SPTBN2: variants seen among roughly 807,000 people sequenced by gnomAD.
SPTBN2 encodes spectrin beta, non-erythrocytic 2.
A neutral mutation model predicts 284.2 loss-of-function variants in SPTBN2; 107 were observed. That is an observed-to-expected ratio of 0.38 (90% CI 0.32 to 0.44). The LOEUF (loss-of-function observed/expected upper bound fraction) is 0.44. Ranked by LOEUF, SPTBN2 falls within the 20% of genes least tolerant of loss-of-function variation. The probability of loss-of-function intolerance (pLI) is 1.00; values close to 1 mark genes in which losing one functional copy is unlikely to be tolerated. For synonymous variants in SPTBN2, 1,289 were observed against 1,354.8 expected (o/e 0.95, Z 1.07); for missense variants, 2,569 against 3,287.1 (o/e 0.78, Z 5.34).
rs1387296882 is a variant in SPTBN2 at position 66,710,478 on chromosome 11, G to C, written c.1073+104C>G. 6 of 1,162,002 alleles carry C rather than the reference G, an allele frequency of 5.2e-6. No homozygotes were observed. Among genetic ancestry groups the C allele is most frequent in the South Asian group, 1.3e-5 (1 of 74,564 alleles). 72.0% of individuals were successfully genotyped at this position (1,162,002 alleles called of 1,614,324 possible). A position where few individuals can be genotyped will look rare whatever the true frequency, so the allele number is the denominator to read the frequency against. On this transcript the variant is annotated intron_variant, in intron 10 of 37. Transcript: ENST00000533211. The surrounding 1 kb of genome is among the most constrained non-coding windows in gnomAD (Gnocchi z 4.9). ...GCTTCTGGTGTGGGAAATCTCCACT[G>C]CATTTATGTACTGCCAAATTTCCCT...
At chr11:66,702,991 A>G in intron 15 of SPTBN2, among the ~76,000 whole-genome samples, 1 of 151,620 alleles carries the variant, frequency 6.6e-6, no homozygotes, top group Non-Finnish European at 1.5e-5. Context: ...AGAAACAGGC[A>G]GCAGGCTGGA....
intron 15 of SPTBN2, among the ~76,000 whole-genome samples, chr11:66,703,972 CTTTTTTTT>C (rs11286358): frequency 9.1e-6 from 1 of 109,726 alleles, no homozygotes; most frequent in Non-Finnish European, 1.9e-5. Flanking sequence ...TATTTCTTTT[CTTTTTTTT>C]TTTTTTTTTT....
Position 66,708,831 on chromosome 11 carries a change from T to A in SPTBN2, c.1191+71A>T. On this transcript the variant is annotated intron_variant, in intron 11 of 37. Transcript: ENST00000533211. This position sits in a 1 kb window ranked among gnomAD's most constrained non-coding sequence, Gnocchi z 4.4. ...GGTGAAGGTCGACATGGCCCCGGGT[T>A]TGGGGATGTGTGCAAGGCATCTGGG... The A allele has an allele frequency of 7.9e-7, 1 of 1,261,038 alleles. No homozygotes were observed. The highest frequency in any genetic ancestry group is 1.2e-6 in the Non-Finnish European group (1 of 865,430). 78.1% of individuals were successfully genotyped at this position (1,261,038 alleles called of 1,614,324 possible). A position where few individuals can be genotyped will look rare whatever the true frequency, so the allele number is the denominator to read the frequency against.
In SPTBN2 at chr11:66,683,637, C is replaced by G. The variant is rs1939927015; in HGVS notation, c.*2234G>C. Among the ~76,000 whole-genome samples the G allele has an allele frequency of 6.6e-6, 1 of 152,264 alleles. No individual in the cohort carries two copies. The stretch of plus-strand genomic sequence containing the variant: ...GCAGATGCTGCTCGGGGTCTTCAGT[C>G]TCACCTCTCCGTTGACAATGCCTGC... On this transcript the variant is annotated 3_prime_UTR_variant, in exon 38 of 38. Coordinates refer to ENST00000533211, the MANE Select transcript of SPTBN2 (RefSeq NM_006946.4).
intron 29 of SPTBN2, 157 bp from the exon 30 acceptor site, chr11:66,689,337 C>T (rs760009533): frequency 1.3e-6 from 1 of 764,998 alleles, no homozygotes; most frequent in Non-Finnish European, 2.1e-6. Flanking sequence ...TGCAGTGGCG[C>T]AATCTCAGCT....
At chr11:66,704,509 G>A in intron 15 of SPTBN2, 89 bp downstream of exon 15, 2 of 1,445,300 alleles carry the variant, frequency 1.4e-6, no homozygotes, top group Non-Finnish European at 1.9e-6. Context: ...GGTGAGGCAG[G>A]AAGTTTATGG....
intron 3 of SPTBN2, 52 bp downstream of exon 3, chr11:66,721,032 C>T: frequency 6.2e-7 from 1 of 1,612,902 alleles, no homozygotes; most frequent in Non-Finnish European, 8.5e-7. Context: ...TCATGACGAG[C>T]TGACAAAGCC....
In SPTBN2 at chr11:66,713,896, C is replaced by T. The variant is rs1942009793; in HGVS notation, c.657-150G>A. On this transcript the variant is annotated intron_variant, in intron 7 of 37. Transcript: ENST00000533211. The stretch of plus-strand genomic sequence containing the variant: ...ACCCACACTGCTGCTCACAGCCCCT[C>T]CCCACACCACCTCCCCTGCTTCCCA... The T allele has an allele frequency of 3.5e-6, 3 of 861,318 alleles. No homozygotes were observed. In the South Asian group the frequency reaches 4.2e-5, roughly 12 times the overall value. 53.4% of individuals were successfully genotyped at this position (861,318 alleles called of 1,614,324 possible).
In SPTBN2 at chr11:66,710,849, C is replaced by T. The variant is rs1442566239; in HGVS notation, c.885+68G>A. On this transcript the variant is annotated intron_variant, in intron 9 of 37. Coordinates refer to ENST00000533211, the MANE Select transcript of SPTBN2 (RefSeq NM_006946.4). This position sits in a 1 kb window ranked among gnomAD's most constrained non-coding sequence, Gnocchi z 4.9. ...GTCCTGCAGCTCCACCCTGCCCTTG[C>T]ACTAGGGCAGTAAGACCCCTCAGCC... The T allele has an allele frequency of 1.2e-6, 2 of 1,602,834 alleles. No individual in the cohort carries two copies. The highest frequency in any genetic ancestry group is 2.7e-5 in the African/African-American group (2 of 74,728).
intron 30 of SPTBN2, 52 bp downstream of exon 30, chr11:66,689,044 T>A: frequency 6.4e-7 from 1 of 1,555,974 alleles, no homozygotes; most frequent in Non-Finnish European, 8.8e-7. Context: ...ACCCACAGGG[T>A]GCAGGATGCC....
intron 5 of SPTBN2, among the ~76,000 whole-genome samples, chr11:66,714,903 G>A (rs754915606): frequency 2.6e-5 from 4 of 152,078 alleles, no homozygotes; most frequent in Non-Finnish European, 5.9e-5. Flanking sequence ...CCAAATCCCT[G>A]TGGTGAAGGA....
At chr11:66,720,824 G>A (rs765962389) in intron 3 of SPTBN2, among the ~76,000 whole-genome samples, 5 of 152,150 alleles carry the variant, frequency 3.3e-5, no homozygotes, top group Admixed American at 2.0e-4. Flanking sequence ...AGGCCAGAGA[G>A]GGAAGCTGTT....
chr11:66,686,143 T>C, intron 37 of SPTBN2, 39 bp from the exon 38 acceptor site: 1 of 1,587,984 alleles, frequency 6.3e-7, no homozygotes, highest in Non-Finnish European at 8.6e-7. Context: ...TCAAGGACAC[T>C]GTGCTGAGTT....
At chr11:66,738,125 G>T (rs748481001) in intron 1 of SPTBN2, among the ~76,000 whole-genome samples, 2 of 152,068 alleles carry the variant, frequency 1.3e-5, no homozygotes, top group African/African-American at 2.4e-5. Context: ...TGAGGCAGGA[G>T]AATCACTTGA....
chr11:66,701,465 G>C (rs1205326190), intron 16 of SPTBN2, 119 bp downstream of exon 16: 7 of 1,568,098 alleles, frequency 4.5e-6, no homozygotes, highest in Non-Finnish European at 6.1e-6. Context: ...ACATATTCCA[G>C]ACTGGTTTGC....
In SPTBN2 at chr11:66,715,182, G is replaced by A; in HGVS notation, c.483+40C>T. On this transcript the variant is annotated intron_variant, in intron 5 of 37. Transcript: ENST00000533211. This position sits in a 1 kb window ranked among gnomAD's most constrained non-coding sequence, Gnocchi z 5.3. The stretch of plus-strand genomic sequence containing the variant: ...AGGAACGGCTTGCGGTGCAGAGCCA[G>A]GGCAGGAACCACACCCTGTGTGACA... 1 of 1,613,672 alleles carries A rather than the reference G, an allele frequency of 6.2e-7. No homozygotes were observed.
chr11:66,704,841 G>A lies in SPTBN2; in HGVS notation c.2435C>T (p.Ala812Val), dbSNP rs1269231923. ...CGTGCGGCTCAGTGTGGGGGGCAGG[G>A]CTGCTGCCTGTTCCCTCAAGGCGTC... ...TLDALREQAA[A>V]LPPTLSRTPE... The change falls in exon 15 of 38, where the codon GCC becomes GTC. Residue 812 changes from alanine to valine, a missense_variant. By Grantham distance (64) the Ala-to-Val change is moderately conservative. This residue lies in a region of SPTBN2 where 1,012 missense variants were observed against 1,248.9 expected (regional missense o/e 0.81). Coordinates refer to ENST00000533211, the MANE Select transcript of SPTBN2 (RefSeq NM_006946.4). 7 of 1,608,544 alleles carry A rather than the reference G, an allele frequency of 4.4e-6. No homozygotes were observed. Among genetic ancestry groups the A allele is most frequent in the Non-Finnish European group, 5.9e-6 (7 of 1,179,798 alleles).
chr11:66,739,326 G>C (rs1259172179), intron 1 of SPTBN2, among the ~76,000 whole-genome samples: 2 of 152,138 alleles, frequency 1.3e-5, no homozygotes, highest in Non-Finnish European at 2.9e-5. Flanking sequence ...TGTATCCCTG[G>C]CAAAGTGCTT....
At chr11:66,696,691 G>T in intron 20 of SPTBN2, 151 bp from the exon 21 acceptor site, 1 of 1,126,348 alleles carries the variant, frequency 8.9e-7, no homozygotes, top group Non-Finnish European at 1.3e-6. Context: ...ACTCTTCACG[G>T]AGGTTTAAAA....
Sources: allele counts gnomAD v4.1 joint callset (sites outside exome capture counted in the v4.1 genomes callset), GRCh38; gene constraint gnomAD v4.1.1; regional missense constraint gnomAD v4.1.1; non-coding constraint Gnocchi (gnomAD v3.1); transcripts MANE v1.5; gene names NCBI Gene and HGNC (gene_info 2026-07-23, HGNC 2026-07-21).